Variants in SEMA6D observed in about 807,000 individuals in gnomAD.
SEMA6D encodes semaphorin 6D.
In SEMA6D, 35 loss-of-function variants were observed where a neutral mutation model predicts 106.6. The observed-to-expected ratio is 0.33, with a 90% CI of 0.25 to 0.44. The LOEUF (loss-of-function observed/expected upper bound fraction) is 0.44, where lower values mean the gene tolerates loss of function less well. Among genes scored for constraint, SEMA6D ranks in the 20% least tolerant of loss-of-function variants. The pLI is 1.00. For missense variants in SEMA6D, 1,185 were observed against 1,345.9 expected (o/e 0.88, Z 1.87); for synonymous variants, 499 against 487.7 (o/e 1.02, Z -0.31).
intron 3 of SEMA6D, among the ~76,000 whole-genome samples, chr15:47,598,167 T>C (rs1287720570): frequency 6.6e-6 from 1 of 152,008 alleles, no homozygotes; most frequent in Non-Finnish European, 1.5e-5. Flanking sequence ...GGGGTGATAA[T>C]ATTGTGTTCA....
intron 3 of SEMA6D, among the ~76,000 whole-genome samples, chr15:47,569,037 CGAG>C (rs2142861693): frequency 6.6e-6 from 1 of 152,120 alleles, no homozygotes; most frequent in East Asian, 1.9e-4. Context: ...TTTGGGAAAA[CGAG>C]GAGACAGGGC....
At chr15:47,299,899 T>A (rs1595677536) in intron 1 of SEMA6D, among the ~76,000 whole-genome samples, 1 of 135,942 alleles carries the variant, frequency 7.4e-6, no homozygotes, top group East Asian at 2.2e-4. Context: ...AGAATTAGTG[T>A]GGAGAATTAT....
chr15:47,288,342 G>C (rs1403316476), intron 1 of SEMA6D, among the ~76,000 whole-genome samples: 1 of 152,184 alleles, frequency 6.6e-6, no homozygotes, highest in Non-Finnish European at 1.5e-5. Flanking sequence ...TGGTGGAGGG[G>C]AAAGGTGACT....
At chr15:47,631,376 A>T (rs2077289973) in intron 4 of SEMA6D, among the ~76,000 whole-genome samples, 1 of 151,766 alleles carries the variant, frequency 6.6e-6, no homozygotes, top group Non-Finnish European at 1.5e-5. Flanking sequence ...GTATAAAGTT[A>T]TCTGCTGTAC....
At chr15:47,417,440 TG>T (rs2041008613) in intron 2 of SEMA6D, among the ~76,000 whole-genome samples, 1 of 150,718 alleles carries the variant, frequency 6.6e-6, no homozygotes, top group Admixed American at 6.7e-5. Context: ...TGTGTGTGTG[TG>T]TCAGAGAGAG....
intron 1 of SEMA6D, among the ~76,000 whole-genome samples, chr15:47,304,827 T>C (rs1337596712): frequency 1.3e-5 from 2 of 152,172 alleles, no homozygotes; most frequent in Admixed American, 6.5e-5. Flanking sequence ...GGACTGATTA[T>C]GTGAAATGGG....
At chr15:47,631,638 A>C (rs139029456) in intron 4 of SEMA6D, among the ~76,000 whole-genome samples, 1 of 152,036 alleles carries the variant, frequency 6.6e-6, no homozygotes, top group African/African-American at 2.4e-5. Context: ...TGTGAAACTG[A>C]AGCAAGACAC....
At chr15:47,691,017 C>T (rs748680714) in intron 4 of SEMA6D, among the ~76,000 whole-genome samples, 2 of 152,002 alleles carry the variant, frequency 1.3e-5, no homozygotes, top group Admixed American at 6.6e-5. Context: ...GCCAGTTTGG[C>T]GTTGTCTGTG....
intron 4 of SEMA6D, among the ~76,000 whole-genome samples, chr15:47,614,739 A>G (rs528559420): frequency 1.3e-5 from 2 of 152,316 alleles, no homozygotes; most frequent in South Asian, 2.1e-4. Context: ...ATCTACAATC[A>G]TTGAAATACA....
chr15:47,241,990 G>A (rs187470220), intron 1 of SEMA6D, among the ~76,000 whole-genome samples: 172 of 152,236 alleles, frequency 1.1e-3, no homozygotes, highest in Admixed American at 1.8e-3. Flanking sequence ...CCTGAGTCTG[G>A]AGTAAGGCAG....
At chr15:47,477,890 T>C (rs2043044927) in intron 3 of SEMA6D, among the ~76,000 whole-genome samples, 1 of 152,090 alleles carries the variant, frequency 6.6e-6, no homozygotes, top group African/African-American at 2.4e-5. Context: ...AGCTCTTTTC[T>C]ATGTAAATGC....
Position 47,496,712 on chromosome 15 carries a change from T to C in SEMA6D, c.-87+26167T>C, listed in dbSNP as rs530540483. On this transcript the variant is annotated intron_variant, in intron 3 of 19. Coordinates refer to the SEMA6D transcript ENST00000558014. ...CCGGTTTGTTATCTTTTCCCATGTT[T>C]TTTTCTGATTTCTTGTTTGCCTGGA... Among the ~76,000 whole-genome samples the C allele has an allele frequency of 2.6e-5, 4 of 152,186 alleles. No individual in the cohort carries two copies. The East Asian group carries it at 7.7e-4, about 29-fold the overall frequency.
chr15:47,452,048 G>A (rs2042210591), intron 2 of SEMA6D, among the ~76,000 whole-genome samples: 1 of 151,890 alleles, frequency 6.6e-6, no homozygotes, highest in African/African-American at 2.4e-5. Flanking sequence ...TTGTTCATAC[G>A]TAGACCTCAG....
rs372207917 is a variant in SEMA6D at position 47,551,869 on chromosome 15, A to G, written c.-86-48996A>G. ...AAACATGTTGCTATGAAATTGAAATACACAGAGGTATGGATGAACTTATAT... is the reference window on the plus strand; with the variant it reads ...AAACATGTTGCTATGAAATTGAAATGCACAGAGGTATGGATGAACTTATAT... On this transcript the variant is annotated intron_variant, in intron 3 of 19. Transcript: ENST00000558014. 5.3e-5 allele frequency among the ~76,000 whole-genome samples: 8 copies of G among 152,300 alleles called. 1 individual carries two copies. Among genetic ancestry groups the G allele is most frequent in the African/African-American group, 1.9e-4 (8 of 41,570 alleles).
At chr15:47,725,546 C>G (rs1378991169) in intron 1 of SEMA6D, among the ~76,000 whole-genome samples, 1 of 151,996 alleles carries the variant, frequency 6.6e-6, no homozygotes, top group Non-Finnish European at 1.5e-5. Flanking sequence ...CCCACTTTCC[C>G]ACCTCCCTCA....
chr15:47,713,160 T>C (rs2079051169), upstream of SEMA6D, among the ~76,000 whole-genome samples: 1 of 152,178 alleles, frequency 6.6e-6, no homozygotes. Context: ...TTAGCAAAAT[T>C]AGATAAGTAA....
intron 3 of SEMA6D, among the ~76,000 whole-genome samples, chr15:47,538,777 A>G (rs2045260142): frequency 1.3e-5 from 2 of 152,382 alleles, no homozygotes; most frequent in South Asian, 4.1e-4. Context: ...CAAAAAATCT[A>G]CATAAAATTA....
At chr15:47,453,839 A>G (rs2042263567) in intron 2 of SEMA6D, among the ~76,000 whole-genome samples, 1 of 151,962 alleles carries the variant, frequency 6.6e-6, no homozygotes, top group Non-Finnish European at 1.5e-5. Context: ...TGAAGCTACA[A>G]GATAGAGTGG....
At chr15:47,552,558 A>G (rs2045736517) in intron 3 of SEMA6D, among the ~76,000 whole-genome samples, 2 of 139,154 alleles carry the variant, frequency 1.4e-5, no homozygotes, top group Non-Finnish European at 3.2e-5. Context: ...ACACACACAC[A>G]TATGGCAAGG....
Sources: gnomAD v4.1 joint callset for allele counts (sites outside exome capture counted in the v4.1 genomes callset) on GRCh38, gnomAD v4.1.1 for gene constraint, MANE v1.5 for transcripts, NCBI Gene and HGNC (gene_info 2026-07-23, HGNC 2026-07-21) for gene names.